The following SORT1 variants were observed in gnomAD, a reference collection of about 807,000 sequenced individuals.
SORT1 encodes the protein sortilin 1.
In SORT1, 39 loss-of-function variants were observed where a neutral mutation model predicts 101.7. That is an observed-to-expected ratio of 0.38 (90% CI 0.30 to 0.50). SORT1 has a LOEUF of 0.50. Ranked by LOEUF, SORT1 falls within the 20% of genes least tolerant of loss-of-function variation. The pLI, the probability that SORT1 is intolerant of heterozygous loss-of-function variation, is 0.90. For synonymous variants in SORT1, 396 were observed against 393.7 expected (o/e 1.01, Z -0.07); for missense variants, 878 against 1,040.4 (o/e 0.84, Z 2.15).
At chr1:109,316,764 A>T (rs2101526699) in intron 17 of SORT1, 86 bp downstream of exon 17, 1 of 888,208 alleles carries the variant, frequency 1.1e-6, no homozygotes, top group Non-Finnish European at 1.8e-6. Context: ...TATCAGTAAC[A>T]AAACTCTTGA....
intron 11 of SORT1, among the ~76,000 whole-genome samples, chr1:109,332,983 A>G (rs1648561293): frequency 6.6e-6 from 1 of 152,098 alleles, no homozygotes; most frequent in South Asian, 2.1e-4. Context: ...GCTGGAGTGC[A>G]ATGGTGCGGT....
At chr1:109,362,547 T>C (rs1039524965) in intron 3 of SORT1, among the ~76,000 whole-genome samples, 2 of 152,218 alleles carry the variant, frequency 1.3e-5, no homozygotes, top group African/African-American at 4.8e-5. Context: ...ACCTTGTGTT[T>C]TTATTTAACT....
At chr1:109,325,231 C>CTTTTTTTTTTTTTT (rs35552184) in intron 13 of SORT1, 142 bp from the exon 14 acceptor site, 1 of 183,352 alleles carries the variant, frequency 5.5e-6, no homozygotes, top group Non-Finnish European at 9.5e-6. Context: ...ATTATTTTAA[C>CTTTTTTTTTTTTTT]TTTTTTTTTT....
chr1:109,362,167 C>T (rs1216074860), intron 3 of SORT1, among the ~76,000 whole-genome samples: 1 of 152,084 alleles, frequency 6.6e-6, no homozygotes, highest in Non-Finnish European at 1.5e-5. Context: ...CAATAATACA[C>T]ATTAAATAAG....
Position 109,354,350 on chromosome 1 carries a change from T to TTG in SORT1, c.708+16_708+17insCA. On this transcript the variant is annotated intron_variant, in intron 5 of 19. Transcript: ENST00000256637. ...ATAAAATGCAAAAGGCAAACCATGT[T>TTG]CCTCAACTGGACTTACTTCAGTGCT... The TTG allele has an allele frequency of 6.2e-7, 1 of 1,603,382 alleles. No homozygotes were observed. The highest frequency in any genetic ancestry group is 8.5e-7 in the Non-Finnish European group (1 of 1,172,246).
chr1:109,378,155 T>C (rs1387369588), intron 1 of SORT1, among the ~76,000 whole-genome samples: 1 of 152,114 alleles, frequency 6.6e-6, no homozygotes, highest in East Asian at 1.9e-4. Context: ...GAGGATCACT[T>C]GAGCCCAGGA....
At chr1:109,386,823 A>ACCTATCACATTTCACT (rs535087391) in intron 1 of SORT1, among the ~76,000 whole-genome samples, 426 of 152,372 alleles carry the variant, frequency 2.8e-3, no homozygotes, top group Middle Eastern at 6.8e-3. Flanking sequence ...ATATTTCTTG[A>ACCTATCACATTTCACT]AACTTCACAG....
intron 1 of SORT1, among the ~76,000 whole-genome samples, chr1:109,377,428 T>C (rs1651933249): frequency 6.6e-6 from 1 of 152,256 alleles, no homozygotes; most frequent in South Asian, 2.1e-4. Flanking sequence ...TTGATCTGTA[T>C]GTAATCTTCC....
intron 11 of SORT1, among the ~76,000 whole-genome samples, chr1:109,334,613 C>G (rs1648683563): frequency 6.6e-6 from 1 of 152,148 alleles, no homozygotes; most frequent in Admixed American, 6.5e-5. Context: ...TACATGGTGA[C>G]TACAGTCTAG....
chr1:109,336,326 T>C lies in SORT1; in HGVS notation c.1285A>G (p.Ile429Val). 6.2e-7 allele frequency: 1 copy of C among 1,609,362 alleles called. No individual in the cohort carries two copies. Among genetic ancestry groups the C allele is most frequent in the Non-Finnish European group, 8.5e-7 (1 of 1,175,626 alleles). Reference protein sequence around the residue: ...LSEDNSIQTMITFDQGGRWTH... With the variant: ...LSEDNSIQTMVTFDQGGRWTH... Reference sequence around the variant, plus strand: ...CACCTTCCTCCTTGGTCAAAAGTGATCATGGTCTGGATAGAATTATCTGAA... The same window carrying C: ...CACCTTCCTCCTTGGTCAAAAGTGACCATGGTCTGGATAGAATTATCTGAA... The change falls in exon 11 of 20, where the codon ATC becomes GTC. Residue 429 changes from isoleucine (I) to valine (V), a missense_variant. Ile to Val is a conservative substitution (Grantham distance 29). Coordinates refer to ENST00000256637, the MANE Select transcript of SORT1 (RefSeq NM_002959.7).
intron 3 of SORT1, among the ~76,000 whole-genome samples, chr1:109,360,612 C>T (rs976718217): frequency 4.0e-5 from 6 of 151,266 alleles, no homozygotes; most frequent in Non-Finnish European, 8.8e-5. Context: ...GCTGGGATTA[C>T]AAGTATGAGC....
intron 1 of SORT1, among the ~76,000 whole-genome samples, chr1:109,370,429 C>T (rs1257725982): frequency 2.6e-5 from 4 of 151,922 alleles, no homozygotes; most frequent in South Asian, 2.1e-4. Context: ...TTAATACAAT[C>T]GTCTGTTCTC....
rs1221652101 is a variant in SORT1, at chr1:109,311,625, C to T, written c.*2418G>A. ...CACTCCTGCACTCTTGAGCAGTGAC[C>T]CTCAATGAGGGGAGGGGCAGTTTCT... On this transcript the variant is annotated 3_prime_UTR_variant, in exon 20 of 20. Coordinates refer to ENST00000256637, the MANE Select transcript of SORT1 (RefSeq NM_002959.7). 1 of 152,208 alleles carries T rather than the reference C, an allele frequency of 6.6e-6. No homozygotes were observed. The highest frequency in any genetic ancestry group is 2.4e-5 in the African/African-American group (1 of 41,462). 9.4% of individuals were successfully genotyped at this position (152,208 alleles called of 1,614,324 possible). A position where few individuals can be genotyped will look rare whatever the true frequency, so the allele number is the denominator to read the frequency against.
At chr1:109,390,771 A>ATGTGTGTGTG (rs376882706) in intron 1 of SORT1, among the ~76,000 whole-genome samples, 1,993 of 145,632 alleles carry the variant, frequency 0.014, 48 homozygotes, top group African/African-American at 0.048. Context: ...GTGTGTGTGT[A>ATGTGTGTGTG]TGTGTGTGTG....
At chr1:109,373,396 C>G (rs955453921) in intron 1 of SORT1, among the ~76,000 whole-genome samples, 1 of 152,188 alleles carries the variant, frequency 6.6e-6, no homozygotes, top group Non-Finnish European at 1.5e-5. Flanking sequence ...TCCCCAGCCA[C>G]CCCACCAAGT....
At chr1:109,388,408 A>T (rs773485802) in intron 1 of SORT1, among the ~76,000 whole-genome samples, 11 of 151,692 alleles carry the variant, frequency 7.3e-5, no homozygotes, top group African/African-American at 9.7e-5. Flanking sequence ...CAGGCTAATT[A>T]AAAAAATTTT....
At chr1:109,384,382 G>T (rs1189490376) in intron 1 of SORT1, among the ~76,000 whole-genome samples, 1 of 152,208 alleles carries the variant, frequency 6.6e-6, no homozygotes, top group Non-Finnish European at 1.5e-5. Context: ...AATCAAATTT[G>T]AGGGTGATAT....
At chr1:109,351,965 G>GGTGTGTGTGTGTGT (rs10540637) in intron 5 of SORT1, among the ~76,000 whole-genome samples, 48 of 147,508 alleles carry the variant, frequency 3.3e-4, no homozygotes, top group African/African-American at 1.2e-3. Flanking sequence ...GAGAGGTAGG[G>GGTGTGTGTGTGTGT]GTGTGTGTGT....
At chr1:109,389,618 C>T in intron 1 of SORT1, among the ~76,000 whole-genome samples, 1 of 152,206 alleles carries the variant, frequency 6.6e-6, no homozygotes, top group East Asian at 1.9e-4. Context: ...TATCCTTGTT[C>T]ACAAATGTTC....
Sources: allele counts gnomAD v4.1 joint callset (sites outside exome capture counted in the v4.1 genomes callset), GRCh38; gene constraint gnomAD v4.1.1; transcripts MANE v1.5; gene names NCBI Gene and HGNC (gene_info 2026-07-23, HGNC 2026-07-21).